UXS1: variants seen among roughly 807,000 people sequenced by gnomAD.
UXS1 encodes UDP-glucuronate decarboxylase 1, also known as UDP-glucuronic acid decarboxylase 1.
Under a neutral mutation model 62.6 loss-of-function variants are expected in UXS1, and 33 were observed. The observed-to-expected ratio is 0.53, with a 90% CI of 0.40 to 0.70. UXS1 has a LOEUF of 0.70. Ranked by LOEUF, UXS1 falls within the 30% of genes least tolerant of loss-of-function variation. The probability of loss-of-function intolerance (pLI) is 0.00; values close to 1 mark genes in which losing one functional copy is unlikely to be tolerated. For missense variants in UXS1, 434 were observed against 556.3 expected (o/e 0.78, Z 2.21); for synonymous variants, 213 against 206.8 (o/e 1.03, Z -0.26).
At position 106,119,645 on chromosome 2, in the gene UXS1, C is replaced by G. The variant is rs544788396; in HGVS notation, c.759+3325G>C. 4.5e-4 allele frequency among the ~76,000 whole-genome samples: 69 copies of G among 152,286 alleles called. 1 individual carries two copies. Among genetic ancestry groups the G allele is most frequent in the African/African-American group, 1.6e-3 (66 of 41,556 alleles). On this transcript the variant is annotated intron_variant, in intron 9 of 14. Coordinates refer to ENST00000283148, the MANE Select transcript of UXS1 (RefSeq NM_001253875.2). ...CAGGCCGCTGTGCTCAGAACACAGT[C>G]ATAGTCCCAGAAAATAACAATCACT... is the stretch of plus-strand genomic sequence containing the variant.
At chr2:106,130,947 G>T (rs796269496) in intron 6 of UXS1, among the ~76,000 whole-genome samples, 1 of 152,136 alleles carries the variant, frequency 6.6e-6, no homozygotes, top group Non-Finnish European at 1.5e-5. Flanking sequence ...AGCTCCCAGC[G>T]TGAGCGACGC....
intron 1 of UXS1, among the ~76,000 whole-genome samples, chr2:106,185,661 T>C (rs1684508222): frequency 6.6e-6 from 1 of 152,240 alleles, no homozygotes; most frequent in Non-Finnish European, 1.5e-5. Context: ...GAATTTGTGA[T>C]TGTTATCTTA....
At chr2:106,189,470 G>A (rs555460402) in intron 1 of UXS1, among the ~76,000 whole-genome samples, 4 of 152,314 alleles carry the variant, frequency 2.6e-5, no homozygotes, top group African/African-American at 9.6e-5. Flanking sequence ...CTAACTAGAG[G>A]GAAGGAAAAC....
intron 9 of UXS1, among the ~76,000 whole-genome samples, chr2:106,122,512 T>C (rs1270236564): frequency 1.3e-5 from 2 of 152,164 alleles, no homozygotes; most frequent in African/African-American, 2.4e-5. Context: ...ACATAAAATA[T>C]CATCAGCACA....
chr2:106,111,729 T>C (rs1459579667), intron 10 of UXS1, among the ~76,000 whole-genome samples: 1 of 152,202 alleles, frequency 6.6e-6, no homozygotes, highest in East Asian at 1.9e-4. Flanking sequence ...TAGATGCATA[T>C]GTACTACACA....
At chr2:106,098,610 C>T in intron 13 of UXS1, 106 bp downstream of exon 13, 2 of 906,214 alleles carry the variant, frequency 2.2e-6, no homozygotes, top group Non-Finnish European at 3.5e-6. Context: ...CTGCTTTGAT[C>T]CAATTCAATT....
intron 12 of UXS1, 142 bp downstream of exon 12, chr2:106,100,916 T>C: frequency 1.9e-6 from 2 of 1,027,166 alleles, no homozygotes; most frequent in Non-Finnish European, 2.9e-6. Context: ...TGTTTGTTTT[T>C]CCTCTAGTAT....
intron 6 of UXS1, chr2:106,138,716 C>T (rs1680858451): frequency 7.1e-6 from 7 of 985,324 alleles, no homozygotes; most frequent in African/African-American, 1.7e-5. Flanking sequence ...GGCTGAGGGC[C>T]GCCCCATCAG....
At chr2:106,172,466 G>A (rs1373844983) in intron 1 of UXS1, among the ~76,000 whole-genome samples, 1 of 152,200 alleles carries the variant, frequency 6.6e-6, no homozygotes, top group Non-Finnish European at 1.5e-5. Flanking sequence ...ATTTATTTGA[G>A]TATCTTCTAG....
intron 7 of UXS1, among the ~76,000 whole-genome samples, chr2:106,128,368 T>A (rs981435000): frequency 1.3e-5 from 2 of 152,188 alleles, no homozygotes; most frequent in African/African-American, 4.8e-5. Flanking sequence ...ATTTTATGTG[T>A]CAACTTAGGC....
chr2:106,096,803 T>C lies in UXS1; in HGVS notation c.1061A>G (p.Gln354Arg), dbSNP rs748900144. The C allele has an allele frequency of 5.0e-6, 8 of 1,589,350 alleles. No homozygotes were observed. The highest frequency in any genetic ancestry group is 6.9e-6 in the Non-Finnish European group (8 of 1,166,332). The change falls in exon 14 of 15, where the codon CAG (glutamine) becomes CGG (arginine). Residue 354 changes from glutamine to arginine, a missense_variant. Physicochemically the swap from Gln to Arg is conservative, Grantham distance 43. This residue lies in a region of UXS1 where 209 missense variants were observed against 233.3 expected (regional missense o/e 0.90). Transcript: ENST00000283148. ...GTCATCCTGGGCTTCGGAGAGAAAC[T>C]GAATTTCACTTCCGCTACCTGAGAT... The part of the protein sequence containing the change: ...KNLVGSGSEI[Q>R]FLSEAQDDPQ...
At chr2:106,163,601 G>A in intron 4 of UXS1, 66 bp downstream of exon 4, 3 of 1,216,400 alleles carry the variant, frequency 2.5e-6, no homozygotes, top group Non-Finnish European at 3.4e-6. Flanking sequence ...CAAACAAACA[G>A]AATTAATTAC....
At chr2:106,159,782 T>A (rs1682742977) in intron 4 of UXS1, among the ~76,000 whole-genome samples, 7 of 152,090 alleles carry the variant, frequency 4.6e-5, no homozygotes, top group Admixed American at 4.6e-4. Context: ...ATATGAAGGG[T>A]CATTAGACAG....
chr2:106,103,608 G>A (rs1056554381), intron 11 of UXS1, among the ~76,000 whole-genome samples: 4 of 152,216 alleles, frequency 2.6e-5, no homozygotes, highest in Admixed American at 1.3e-4. Context: ...CAAAGCGGGG[G>A]CAGCTGCCAT....
At chr2:106,159,326 T>A (rs1266917482) in intron 4 of UXS1, 1 of 152,154 alleles carries the variant, frequency 6.6e-6, no homozygotes, top group African/African-American at 2.4e-5. Context: ...TAATGAAACT[T>A]TGTCTCCTGC....
chr2:106,149,816 A>G (rs143946680), intron 5 of UXS1, among the ~76,000 whole-genome samples: 2,303 of 152,318 alleles, frequency 0.015, 31 homozygotes, highest in Admixed American at 0.049. Context: ...GAAAAAGCCT[A>G]GACTTCTGTG....
At chr2:106,112,879 C>A in intron 9 of UXS1, 114 bp from the exon 10 acceptor site, 1 of 1,440,396 alleles carries the variant, frequency 6.9e-7, no homozygotes, top group South Asian at 1.4e-5. Context: ...GCTTTCCATT[C>A]CAAAATGGAA....
At chr2:106,105,100 C>A (rs1316565910) in intron 10 of UXS1, among the ~76,000 whole-genome samples, 1 of 152,184 alleles carries the variant, frequency 6.6e-6, no homozygotes, top group Non-Finnish European at 1.5e-5. Flanking sequence ...AAGGAATTCG[C>A]TTCTGCTGGA....
chr2:106,096,355 T>G (rs935745638), intron 14 of UXS1, among the ~76,000 whole-genome samples: 4 of 151,942 alleles, frequency 2.6e-5, no homozygotes, highest in African/African-American at 9.7e-5. Context: ...TTAAGTGTGT[T>G]TGTATGACAG....
Sources: allele counts gnomAD v4.1 joint callset (sites outside exome capture counted in the v4.1 genomes callset), GRCh38; gene constraint gnomAD v4.1.1; regional missense constraint gnomAD v4.1.1; transcripts MANE v1.5; gene names NCBI Gene and HGNC (gene_info 2026-07-23, HGNC 2026-07-21).